The following TNRC6A variants were observed in gnomAD, a reference collection of about 807,000 sequenced individuals.
TNRC6A encodes trinucleotide repeat-containing gene 6A protein.
Under a neutral mutation model 221.2 loss-of-function variants are expected in TNRC6A, and 44 were observed. That is an observed-to-expected ratio of 0.20 (90% CI 0.16 to 0.26). TNRC6A has a LOEUF of 0.26. TNRC6A is among the 10% of genes least tolerant of loss of function. TNRC6A has a pLI of 1.00. For synonymous variants in TNRC6A, 847 were observed against 838.5 expected, an observed-to-expected ratio of 1.01 and a Z score of -0.18; for missense variants, 2,199 against 2,404.4, an observed-to-expected ratio of 0.91 and a Z score of 1.79.
intron 1 of TNRC6A, 53 bp from the exon 2 acceptor site, chr16:24,730,200 C>T: frequency 6.6e-7 from 1 of 1,518,988 alleles, no homozygotes; most frequent in Non-Finnish European, 8.8e-7. Flanking sequence ...ACGCGCATCT[C>T]GTTTTTGTGT....
At chr16:24,795,835 G>A (rs572709196) in intron 8 of TNRC6A, 72 bp from the exon 9 acceptor site, 1 of 1,426,026 alleles carries the variant, frequency 7.0e-7, no homozygotes, top group East Asian at 2.4e-5. Flanking sequence ...CTTAAGTTTA[G>A]GTCTTCCAGT....
At chr16:24,634,805 A>G (rs1259928897) in intron 1 of TNRC6A, among the ~76,000 whole-genome samples, 1 of 152,168 alleles carries the variant, frequency 6.6e-6, no homozygotes, top group African/African-American at 2.4e-5. Context: ...GCCCTTTCTC[A>G]TGGTTCAGTG....
At chr16:24,708,443 A>G (rs1031727517) in intron 2 of TNRC6A, among the ~76,000 whole-genome samples, 5 of 152,018 alleles carry the variant, frequency 3.3e-5, no homozygotes, top group South Asian at 2.1e-4. Context: ...GGGTTTCACC[A>G]TGTTAGCCAG....
intron 2 of TNRC6A, among the ~76,000 whole-genome samples, chr16:24,707,060 A>T (rs2142269084): frequency 6.6e-6 from 1 of 151,910 alleles, no homozygotes; most frequent in Non-Finnish European, 1.5e-5. Flanking sequence ...CAGTAGCACG[A>T]TCTCAACTCA....
intron 2 of TNRC6A, among the ~76,000 whole-genome samples, chr16:24,648,028 C>T (rs1001582147): frequency 6.6e-6 from 1 of 152,156 alleles, no homozygotes; most frequent in African/African-American, 2.4e-5. Flanking sequence ...ACGGTTCATC[C>T]ATATTGTAAC....
chr16:24,805,661 T>C lies in TNRC6A; in HGVS notation c.4179T>C (p.Phe1393=). ...ACAACGGTGGCCTGAATCCACTCTTTGGCCCTCAACAGGTAGCCATGCTGA... is the reference window on the plus strand; with the variant it reads ...ACAACGGTGGCCTGAATCCACTCTTCGGCCCTCAACAGGTAGCCATGCTGA... ...APNNGGLNPL[F]GPQQVAMLNQ... The change falls in exon 15 of 25, where the codon TTT becomes TTC. Residue 1393 remains phenylalanine, a synonymous_variant. Transcript: ENST00000395799. The C allele has an allele frequency of 6.2e-7, 1 of 1,614,240 alleles. No individual in the cohort carries two copies. Among genetic ancestry groups the C allele is most frequent in the Non-Finnish European group, 8.5e-7 (1 of 1,180,032 alleles).
chr16:24,822,758 G>A, intron 23 of TNRC6A, 116 bp from the exon 24 acceptor site: 1 of 1,397,022 alleles, frequency 7.2e-7, no homozygotes, highest in East Asian at 2.4e-5. Context: ...GTGAAGAGTG[G>A]TGCCAGGAGC....
At chr16:24,716,657 C>T (rs945148346) in intron 2 of TNRC6A, among the ~76,000 whole-genome samples, 1 of 151,742 alleles carries the variant, frequency 6.6e-6, no homozygotes, top group Non-Finnish European at 1.5e-5. Context: ...AAAGTGAGAC[C>T]GTCTCTCAAA....
intron 6 of TNRC6A, 86 bp downstream of exon 6, chr16:24,791,903 CAA>C: frequency 7.4e-7 from 1 of 1,345,252 alleles, no homozygotes; most frequent in Non-Finnish European, 9.7e-7. Context: ...GATATGCACA[CAA>C]AGGCTGTTCT....
intron 2 of TNRC6A, among the ~76,000 whole-genome samples, chr16:24,683,980 CA>C (rs1321021828): frequency 5.9e-5 from 9 of 152,194 alleles, no homozygotes; most frequent in Non-Finnish European, 8.8e-5. Flanking sequence ...AGCTTCTTAA[CA>C]GAGTAGTAGT....
chr16:24,656,141 C>CAAA (rs551183501), intron 2 of TNRC6A, among the ~76,000 whole-genome samples: 7 of 112,652 alleles, frequency 6.2e-5, no homozygotes, highest in African/African-American at 1.3e-4. Context: ...GACCTTGTCT[C>CAAA]AAAAAAAAAA....
intron 4 of TNRC6A, among the ~76,000 whole-genome samples, chr16:24,768,787 T>A (rs1469971060): frequency 2.6e-5 from 4 of 152,208 alleles, no homozygotes; most frequent in Non-Finnish European, 5.9e-5. Flanking sequence ...TGCCAGTGTT[T>A]TAGAAGATTT....
chr16:24,638,702 G>A, intron 1 of TNRC6A, among the ~76,000 whole-genome samples: 1 of 135,390 alleles, frequency 7.4e-6, no homozygotes, highest in South Asian at 2.4e-4. Context: ...AACAGAGCAA[G>A]GTTGTCTCAA....
At chr16:24,736,068 G>A (rs1045714126) in intron 2 of TNRC6A, among the ~76,000 whole-genome samples, 1 of 152,158 alleles carries the variant, frequency 6.6e-6, no homozygotes, top group Non-Finnish European at 1.5e-5. Flanking sequence ...GTGAGGGTGA[G>A]GGAGGAGAAT....
chr16:24,724,405 G>A (rs74781230), intron 2 of TNRC6A, among the ~76,000 whole-genome samples: 3,768 of 152,258 alleles, frequency 0.025, 141 homozygotes, highest in African/African-American at 0.084. Context: ...TTAGAACAGA[G>A]CCTGACTGGC....
intron 2 of TNRC6A, among the ~76,000 whole-genome samples, chr16:24,722,195 G>C (rs2056421176): frequency 6.6e-6 from 1 of 152,144 alleles, no homozygotes; most frequent in Non-Finnish European, 1.5e-5. Context: ...AGGATCACTA[G>C]AGGCCAGGCA....
chr16:24,669,453 C>T (rs1041182914), intron 2 of TNRC6A, among the ~76,000 whole-genome samples: 1 of 151,320 alleles, frequency 6.6e-6, no homozygotes, highest in African/African-American at 2.4e-5. Context: ...TGCAACACTG[C>T]ACTCCAGCCT....
chr16:24,782,225 C>T (rs1226020676), intron 5 of TNRC6A, among the ~76,000 whole-genome samples: 1 of 152,190 alleles, frequency 6.6e-6, no homozygotes. Context: ...TGGTCTAGAG[C>T]AACATCCCCA....
intron 1 of TNRC6A, among the ~76,000 whole-genome samples, chr16:24,626,796 CCCA>C (rs1269586614): frequency 1.3e-5 from 2 of 151,406 alleles, no homozygotes; most frequent in Non-Finnish European, 2.9e-5. Context: ...ATTACAGGCA[CCCA>C]CCACCACGCC....
Sources: gnomAD v4.1 joint callset for allele counts (sites outside exome capture counted in the v4.1 genomes callset) on GRCh38, gnomAD v4.1.1 for gene constraint, MANE v1.5 for transcripts, NCBI Gene and HGNC (gene_info 2026-07-23, HGNC 2026-07-21) for gene names.